Variants in NAF1 observed in about 807,000 individuals in gnomAD.
NAF1 encodes the protein H/ACA ribonucleoprotein complex non-core subunit NAF1.
A neutral mutation model predicts 40.6 loss-of-function variants in NAF1; 11 were observed. The observed-to-expected ratio is 0.27, with a 90% CI of 0.17 to 0.45. The LOEUF is 0.45. NAF1 is among the 20% of genes least tolerant of loss of function. The pLI, the probability that NAF1 is intolerant of heterozygous loss-of-function variation, is 1.00. For missense variants in NAF1, 607 were observed against 611.1 expected (o/e 0.99, Z 0.07); for synonymous variants, 260 against 228.5 (o/e 1.14, Z -1.24).
downstream of NAF1, among the ~76,000 whole-genome samples, chr4:163,122,860 G>A (rs11937291): frequency 0.36 from 54,688 of 151,992 alleles, 11,057 homozygotes; most frequent in East Asian, 0.63. Context: ...GACTCCAGAA[G>A]TGTGAGCCAA....
At chr4:163,153,132 C>A (rs1224974963) in intron 2 of NAF1, among the ~76,000 whole-genome samples, 1 of 152,214 alleles carries the variant, frequency 6.6e-6, no homozygotes, top group Non-Finnish European at 1.5e-5. Flanking sequence ...CCTTCCCCCG[C>A]CTCCGTGGGT....
Position 163,145,970 on chromosome 4 carries a change from T to C in NAF1, c.635-106A>G, listed in dbSNP as rs186648266. ...ACATAATTTAAAAAAAAATTGAAGG[T>C]GGGATTATTACCTCATTAACCATTT... On this transcript the variant is annotated intron_variant, in intron 3 of 7. Transcript: ENST00000274054. 2.2e-3 allele frequency: 1,346 copies of C among 625,652 alleles called. 6 individuals carry two copies. The highest frequency in any genetic ancestry group is 3.1e-3 in the Non-Finnish European group (1,134 of 366,976). 38.8% of individuals were successfully genotyped at this position (625,652 alleles called of 1,614,324 possible). A position where few individuals can be genotyped will look rare whatever the true frequency, so the allele number is the denominator to read the frequency against.
At chr4:163,127,200 G>C (rs1730686073), downstream of NAF1, 6 of 1,421,808 alleles carry the variant, frequency 4.2e-6, no homozygotes, top group African/African-American at 1.5e-5. Flanking sequence ...TGTGATCTCA[G>C]CTCATTGCAA....
At chr4:163,107,457 T>G (rs1412768153), downstream of NAF1, among the ~76,000 whole-genome samples, 1 of 152,180 alleles carries the variant, frequency 6.6e-6, no homozygotes, top group Admixed American at 6.5e-5. Flanking sequence ...CTGTGCAATT[T>G]TCTCTCCAGG....
chr4:163,116,008 G>T (rs1490438841), intron 2 of NAF1, among the ~76,000 whole-genome samples: 1 of 152,112 alleles, frequency 6.6e-6, no homozygotes, highest in Non-Finnish European at 1.5e-5. Context: ...AAGCAAAATT[G>T]ATTTAATAAA....
chr4:163,166,471 G>GGTGGCT lies in NAF1; in HGVS notation c.251_256dup (p.Gln84_Pro85dup), dbSNP rs1560813541. ...GTCTCCGCAGGCCGGCGATTCAGCC[G>GGTGGCT]GTGGCTGTGGCTGCGGCGCCGGGGT... On this transcript the variant is annotated inframe_insertion, in exon 1 of 8. Transcript: ENST00000274054. 9 of 1,603,524 alleles carry GGTGGCT rather than the reference G, an allele frequency of 5.6e-6. No homozygotes were observed. The highest frequency in any genetic ancestry group is 1.7e-5 in the Admixed American group (1 of 58,916).
chr4:163,125,324 C>T (rs771600429), downstream of NAF1, among the ~76,000 whole-genome samples: 1 of 152,206 alleles, frequency 6.6e-6, no homozygotes, highest in Non-Finnish European at 1.5e-5. Flanking sequence ...AAAGCTAGGC[C>T]TCTTGTGCCA....
chr4:163,160,734 C>T (rs999851912), intron 2 of NAF1, among the ~76,000 whole-genome samples: 2 of 152,074 alleles, frequency 1.3e-5, no homozygotes, highest in African/African-American at 2.4e-5. Context: ...TGTCCAGATC[C>T]CTGAAGGTCC....
intron 1 of NAF1, among the ~76,000 whole-genome samples, chr4:163,164,601 T>A (rs145555907): frequency 6.6e-6 from 1 of 152,330 alleles, no homozygotes; most frequent in African/African-American, 2.4e-5. Context: ...AAAACTGATA[T>A]GGTATTGGGA....
rs1485043397 is a variant in NAF1, at chr4:163,166,739, AGAAACCGGGTCG to A, written c.-24_-13del. The A allele has an allele frequency of 6.2e-7, 1 of 1,613,194 alleles. No individual in the cohort carries two copies. The highest frequency in any genetic ancestry group is 8.5e-7 in the Non-Finnish European group (1 of 1,179,852). On this transcript the variant is annotated 5_prime_UTR_variant, in exon 1 of 8. Transcript: ENST00000274054. ...TCCACTACCTCCATCGCACCGCGCCAGAAACCGGGTCGGCCTCAGGATTGGGGCCCCTGGACA... is the reference window on the plus strand; with the variant it reads ...TCCACTACCTCCATCGCACCGCGCCAGCCTCAGGATTGGGGCCCCTGGACA...
intron 6 of NAF1, chr4:163,135,492 T>C (rs897430576): frequency 7.9e-5 from 12 of 152,196 alleles, no homozygotes; most frequent in African/African-American, 2.7e-4. Context: ...AGGGATTCAT[T>C]AGAATATCTG....
At chr4:163,106,583 A>G (rs72631677), downstream of NAF1, among the ~76,000 whole-genome samples, 56,555 of 120,920 alleles carry the variant, frequency 0.47, 11,544 homozygotes, top group East Asian at 0.64. Flanking sequence ...AATAGTAAAT[A>G]GTCATTTTTT....
At chr4:163,119,594 C>T (rs1456406029) in intron 2 of NAF1, 1 of 152,174 alleles carries the variant, frequency 6.6e-6, no homozygotes, top group Non-Finnish European at 1.5e-5. Context: ...CTTAGCAAGA[C>T]TAAACACATC....
chr4:163,107,702 A>C (rs1579109006), downstream of NAF1, among the ~76,000 whole-genome samples: 1 of 152,148 alleles, frequency 6.6e-6, no homozygotes, highest in East Asian at 1.9e-4. Context: ...AGATTTTTTT[A>C]ATAAATGGAA....
chr4:163,166,462 G>T lies in NAF1; in HGVS notation c.266C>A (p.Ser89Ter). ...GGTGACGCAGTCTCCGCAGGCCGGC[G>T]ATTCAGCCGGTGGCTGTGGCTGCGG... is the stretch of plus-strand genomic sequence containing the variant. ...PAPQPQPPAE[S>*]PACGDCVTSP... is the part of the protein sequence containing the mutation. The change falls in exon 1 of 8, where the codon TCG becomes TAG. Residue 89 changes from serine (S) to a stop codon, truncating the protein, a stop_gained. Coordinates refer to ENST00000274054, the MANE Select transcript of NAF1 (RefSeq NM_138386.3). LOFTEE classifies it high-confidence loss of function. The T allele has an allele frequency of 6.2e-7, 1 of 1,604,702 alleles. No homozygotes were observed. Among genetic ancestry groups the T allele is most frequent in the Non-Finnish European group, 8.5e-7 (1 of 1,175,680 alleles).
intron 7 of NAF1, among the ~76,000 whole-genome samples, chr4:163,130,941 C>T (rs560269870): frequency 4.6e-5 from 7 of 152,296 alleles, no homozygotes; most frequent in South Asian, 4.1e-4. Flanking sequence ...TGCAGTGGCA[C>T]GATCTCAGCT....
At chr4:163,127,083 C>T (rs928236023), downstream of NAF1, 18 of 1,551,356 alleles carry the variant, frequency 1.2e-5, no homozygotes, top group African/African-American at 2.2e-4. Context: ...GGTCTGGATC[C>T]GAGGCCACAA....
intron 2 of NAF1, among the ~76,000 whole-genome samples, chr4:163,112,123 G>C (rs1365959057): frequency 6.6e-6 from 1 of 151,902 alleles, no homozygotes; most frequent in Non-Finnish European, 1.5e-5. Context: ...ATGGGCCAAA[G>C]CAAGGATAAA....
At chr4:163,150,310 T>A (rs1335596805) in intron 2 of NAF1, among the ~76,000 whole-genome samples, 1 of 152,142 alleles carries the variant, frequency 6.6e-6, no homozygotes, top group Admixed American at 6.5e-5. Flanking sequence ...TATGGAAGGA[T>A]ACAAAGTAAA....
Sources: gnomAD v4.1 joint callset for allele counts (sites outside exome capture counted in the v4.1 genomes callset) on GRCh38, gnomAD v4.1.1 for gene constraint, MANE v1.5 for transcripts, NCBI Gene and HGNC (gene_info 2026-07-23, HGNC 2026-07-21) for gene names.